Variants in BMPR1B observed in about 807,000 individuals in gnomAD.
BMPR1B encodes bone morphogenetic protein receptor type 1B, also known as bone morphogenetic protein receptor type-1B.
In BMPR1B, 12 loss-of-function variants were observed where a neutral mutation model predicts 59.1. The ratio of observed to expected loss-of-function variants is 0.20; its 90% confidence interval spans 0.13 to 0.33. The LOEUF is 0.33. Ranked by LOEUF, BMPR1B falls within the 10% of genes least tolerant of loss-of-function variation. BMPR1B has a pLI of 1.00. For synonymous variants in BMPR1B, 237 were observed against 207.3 expected (o/e 1.14, Z -1.23); for missense variants, 550 against 610.9 (o/e 0.90, Z 1.05).
intron 2 of BMPR1B, among the ~76,000 whole-genome samples, chr4:94,962,072 T>TTCCTTCC (rs1730380757): frequency 2.5e-5 from 3 of 117,960 alleles, no homozygotes; most frequent in African/African-American, 1.1e-4. Context: ...CTTTCTTTTC[T>TTCCTTCC]TTCCTTCCTT....
intron 2 of BMPR1B, among the ~76,000 whole-genome samples, chr4:94,967,245 C>A (rs1730587201): frequency 6.6e-6 from 1 of 152,120 alleles, no homozygotes. Flanking sequence ...GAAGTAGAAA[C>A]ACCTTTAACA....
intron 10 of BMPR1B, among the ~76,000 whole-genome samples, chr4:95,138,419 T>C (rs1024808747): frequency 2.0e-5 from 3 of 152,178 alleles, no homozygotes; most frequent in Non-Finnish European, 2.9e-5. Context: ...ATCTTTGTGG[T>C]GTTTTCTGTA....
At chr4:94,952,993 G>C (rs575477862) in intron 2 of BMPR1B, among the ~76,000 whole-genome samples, 31 of 152,150 alleles carry the variant, frequency 2.0e-4, no homozygotes, top group Non-Finnish European at 4.1e-4. Context: ...TTGTTGCATT[G>C]ATCCCTTTAC....
chr4:94,952,729 A>T (rs1230474321), intron 2 of BMPR1B, among the ~76,000 whole-genome samples: 1 of 152,076 alleles, frequency 6.6e-6, no homozygotes, highest in Non-Finnish European at 1.5e-5. Flanking sequence ...AGAAGGGTGT[A>T]TATTCTGTTG....
intron 1 of BMPR1B, among the ~76,000 whole-genome samples, chr4:94,819,840 A>G (rs1402466210): frequency 1.3e-5 from 2 of 152,232 alleles, no homozygotes; most frequent in Non-Finnish European, 2.9e-5. Flanking sequence ...GTACCTTCGT[A>G]GTGGAACAAA....
chr4:95,112,251 C>T (rs1731681179), intron 4 of BMPR1B, among the ~76,000 whole-genome samples: 1 of 151,946 alleles, frequency 6.6e-6, no homozygotes, highest in South Asian at 2.1e-4. Context: ...ATCTTTTTAT[C>T]ACTTCCAACA....
chr4:94,760,061 A>G (rs754036148), intron 1 of BMPR1B, among the ~76,000 whole-genome samples: 11 of 152,186 alleles, frequency 7.2e-5, no homozygotes, highest in Non-Finnish European at 1.5e-4. Flanking sequence ...AGTTGATATG[A>G]TCTCATTACT....
intron 3 of BMPR1B, among the ~76,000 whole-genome samples, chr4:95,038,318 A>ATTT (rs1560610483): frequency 1.3e-5 from 2 of 152,140 alleles, no homozygotes; most frequent in Non-Finnish European, 2.9e-5. Flanking sequence ...TATTGAAAGG[A>ATTT]TTTTGCAAGG....
At chr4:95,043,151 C>T (rs1357635935) in intron 3 of BMPR1B, among the ~76,000 whole-genome samples, 7 of 121,474 alleles carry the variant, frequency 5.8e-5, no homozygotes, top group African/African-American at 9.4e-5. Context: ...GTCCGCAGTC[C>T]GGCCTGGGCG....
intron 1 of BMPR1B, among the ~76,000 whole-genome samples, chr4:94,763,162 G>A (rs1354261586): frequency 1.3e-5 from 2 of 152,104 alleles, no homozygotes; most frequent in African/African-American, 2.4e-5. Context: ...CCTTGAATGA[G>A]CATCTCTTCA....
rs1735328854 is a variant in BMPR1B at position 95,155,133 on chromosome 4, CTG to C, written c.*463_*464del. On this transcript the variant is annotated 3_prime_UTR_variant, in exon 13 of 13. Coordinates refer to ENST00000515059, the MANE Select transcript of BMPR1B (RefSeq NM_001203.3). Reference sequence around the variant, plus strand: ...TCCATTGGTAAAATATTGTTGCACTCTGTGAACCAAAAGACAGTCTAAGTTGG... The same window carrying C: ...TCCATTGGTAAAATATTGTTGCACTCTGAACCAAAAGACAGTCTAAGTTGG... The C allele has an allele frequency of 1.1e-5, 2 of 179,796 alleles. No individual in the cohort carries two copies. The highest frequency in any genetic ancestry group is 4.8e-5 in the African/African-American group (2 of 41,750). The allele number at this position is 179,796 out of a possible 1,614,324, so 11.1% of individuals were successfully genotyped here.
At chr4:94,965,172 TAATTAA>T (rs889732165) in intron 2 of BMPR1B, among the ~76,000 whole-genome samples, 7 of 152,126 alleles carry the variant, frequency 4.6e-5, no homozygotes, top group African/African-American at 1.7e-4. Flanking sequence ...AATATCCTAA[TAATTAA>T]AATAATAAGA....
intron 6 of BMPR1B, 67 bp from the exon 7 acceptor site, chr4:95,123,743 G>A: frequency 8.2e-7 from 1 of 1,222,822 alleles, no homozygotes; most frequent in Admixed American, 1.7e-5. Context: ...CTTTAGGAAA[G>A]AGTTACTTTC....
intron 1 of BMPR1B, among the ~76,000 whole-genome samples, chr4:94,854,121 G>GCCCT (rs1725666674): frequency 6.6e-6 from 1 of 151,626 alleles, no homozygotes; most frequent in Non-Finnish European, 1.5e-5. Context: ...CTACTGTGAA[G>GCCCT]CTCTCTATTC....
At chr4:95,082,468 G>A (rs905515593) in intron 3 of BMPR1B, among the ~76,000 whole-genome samples, 1 of 152,030 alleles carries the variant, frequency 6.6e-6, no homozygotes, top group Admixed American at 6.6e-5. Context: ...AATGAGAGTA[G>A]TAACCCTTAC....
At chr4:94,982,094 A>C (rs1230772334) in intron 2 of BMPR1B, among the ~76,000 whole-genome samples, 1 of 152,196 alleles carries the variant, frequency 6.6e-6, no homozygotes, top group African/African-American at 2.4e-5. Context: ...ATTATAAGCA[A>C]ATGTATTCCA....
chr4:95,147,081 T>C (rs377447454), intron 10 of BMPR1B, among the ~76,000 whole-genome samples: 16 of 152,286 alleles, frequency 1.1e-4, no homozygotes, highest in South Asian at 1.0e-3. Context: ...AATTACACTT[T>C]AACTTTTTTT....
intron 3 of BMPR1B, among the ~76,000 whole-genome samples, chr4:95,051,507 G>A (rs2149188773): frequency 6.6e-6 from 1 of 152,268 alleles, no homozygotes; most frequent in Admixed American, 6.5e-5. Context: ...CCCACGAGGT[G>A]ATCAGTTGAA....
intron 1 of BMPR1B, among the ~76,000 whole-genome samples, chr4:94,796,055 C>T (rs1219945821): frequency 6.6e-6 from 1 of 151,218 alleles, no homozygotes; most frequent in Non-Finnish European, 1.5e-5. Context: ...ACCTCTACCT[C>T]CTGGGTTCAA....
Sources: gnomAD v4.1 joint callset for allele counts (sites outside exome capture counted in the v4.1 genomes callset) on GRCh38, gnomAD v4.1.1 for gene constraint, MANE v1.5 for transcripts, NCBI Gene and HGNC (gene_info 2026-07-23, HGNC 2026-07-21) for gene names.